The following TEP1 variants were observed in gnomAD, a reference collection of about 807,000 sequenced individuals.
TEP1 encodes the protein telomerase associated protein 1, also known as telomerase protein component 1.
TEP1 carries 241 observed loss-of-function variants against 306.3 expected under a neutral mutation model. That is an observed-to-expected ratio of 0.79 (90% CI 0.71 to 0.88). The LOEUF is 0.88. Ranked by LOEUF, TEP1 falls within the 40% of genes least tolerant of loss-of-function variation. The pLI, the probability that TEP1 is intolerant of heterozygous loss-of-function variation, is 0.00. For synonymous variants in TEP1, 1,289 were observed against 1,305.5 expected (o/e 0.99, Z 0.27); for missense variants, 3,051 against 3,276.1 (o/e 0.93, Z 1.68).
At position 20,383,260 on chromosome 14, in the gene TEP1, G is replaced by A. The variant is rs750642658; in HGVS notation, c.3961C>T (p.Leu1321=). 1.2e-6 allele frequency: 2 copies of A among 1,613,880 alleles called. No homozygotes were observed. Among genetic ancestry groups the A allele is most frequent in the Non-Finnish European group, 1.7e-6 (2 of 1,179,962 alleles). The change falls in exon 27 of 55, where the codon CTG becomes TTG. Residue 1321 remains leucine, a synonymous_variant. Transcript: ENST00000262715. ...AGCCGGGCCCGAGCAGAGGCCTCCA[G>A]AGGCCCCAAGGCCAGCACGTGGGCA... The part of the protein sequence containing the change: ...QGAHVLALGP[L]EASARARLVR...
In TEP1 at chr14:20,377,632, G is replaced by A. The variant is rs149326341; in HGVS notation, c.5843C>T (p.Ala1948Val). 1,731 of 1,614,098 alleles carry A rather than the reference G, an allele frequency of 1.1e-3. 15 individuals carry two copies. The African/African-American group carries it at 0.018, about 17-fold the overall frequency. ...GATTTTGTAGATCCTAATGCCATCC[G>A]CTCGATATCCAACAGCCACCCGATC... Reference protein sequence around the residue: ...DGDRVAVGYRADGIRIYKISS... With the variant: ...DGDRVAVGYRVDGIRIYKISS... The change falls in exon 40 of 55, where the codon GCG becomes GTG. Residue 1948 changes from alanine (A) to valine (V), a missense_variant. Coordinates refer to ENST00000262715, the MANE Select transcript of TEP1 (RefSeq NM_007110.5).
In TEP1 at chr14:20,387,962, G is replaced by A. The variant is rs1877345252; in HGVS notation, c.2627C>T (p.Ser876Phe). The change falls in exon 18 of 55, where the codon TCT (serine) becomes TTT (phenylalanine). Residue 876 changes from serine to phenylalanine, a missense_variant. Ser to Phe is a radical substitution (Grantham distance 155). Coordinates refer to ENST00000262715, the MANE Select transcript of TEP1 (RefSeq NM_007110.5). ...PPPPGKTGVQ[S>F]LRPLEEDTPS... is the part of the protein sequence containing the mutation. ...AGTGTCCTCTTCCAGTGGCCGGAGA[G>A]ACTGGACCCCTGTCTTTCCTGGGGG... 2.5e-6 allele frequency: 4 copies of A among 1,614,128 alleles called. No individual in the cohort carries two copies. Among genetic ancestry groups the A allele is most frequent in the African/African-American group, 1.3e-5 (1 of 75,052 alleles).
chr14:20,372,741 T>A lies in TEP1; in HGVS notation c.7068A>T (p.Gly2356=). ...CCATCAGCCTGTTTCACCTCAAATT[T>A]CCGGGTGCCGAACCCTTCCGCAGTT... ...QVKLRKGSAP[G]NLSLHLNRIL... Residue 2356 remains glycine, a synonymous_variant, in exon 49 of 55, where the codon GGA becomes GGT. Transcript: ENST00000262715. The A allele has an allele frequency of 1.9e-6, 3 of 1,614,112 alleles. No homozygotes were observed. Among genetic ancestry groups the A allele is most frequent in the Non-Finnish European group, 2.5e-6 (3 of 1,180,022 alleles).
At chr14:20,404,489 G>A in intron 5 of TEP1, 122 bp downstream of exon 5, 4 of 1,258,050 alleles carry the variant, frequency 3.2e-6, no homozygotes, top group Non-Finnish European at 3.2e-6. Context: ...GTCCTGTCTG[G>A]GCACCAATGC....
intron 9 of TEP1, among the ~76,000 whole-genome samples, chr14:20,400,180 C>T (rs750222612): frequency 4.0e-5 from 6 of 149,796 alleles, no homozygotes; most frequent in Non-Finnish European, 8.9e-5. Flanking sequence ...CTACATATAC[C>T]GGCTTCTATC....
chr14:20,377,145 G>A, intron 41 of TEP1, 135 bp downstream of exon 41: 2 of 682,074 alleles, frequency 2.9e-6, no homozygotes, highest in South Asian at 2.5e-5. Flanking sequence ...AACCCAGGAG[G>A]CAGAAGTTGC....
chr14:20,376,626 C>T (rs1218703499), intron 41 of TEP1, among the ~76,000 whole-genome samples: 2 of 152,156 alleles, frequency 1.3e-5, no homozygotes, highest in East Asian at 3.8e-4. Context: ...GTTCTCCCTC[C>T]TAGAGAGGGC....
chr14:20,410,670 G>A (rs75730889), intron 1 of TEP1, among the ~76,000 whole-genome samples: 1,544 of 149,378 alleles, frequency 0.01, 15 homozygotes, highest in Non-Finnish European at 0.016. Flanking sequence ...TCGAACTCCT[G>A]ACCTTGTGAT....
chr14:20,388,306 C>T (rs1205755389), intron 17 of TEP1, among the ~76,000 whole-genome samples: 2 of 152,178 alleles, frequency 1.3e-5, no homozygotes, highest in Non-Finnish European at 2.9e-5. Flanking sequence ...TAATCACAAA[C>T]TTGCTGTTGG....
chr14:20,376,380 C>A, intron 41 of TEP1, 116 bp from the exon 42 acceptor site: 1 of 1,071,130 alleles, frequency 9.3e-7, no homozygotes, highest in Non-Finnish European at 1.3e-6. Context: ...AGGCTCAGCT[C>A]CATGGGAGGG....
rs992343127 is a variant in TEP1 at position 20,380,571 on chromosome 14, C to T, written c.4763-96G>A. ...ATATGGTGTGTCTACAATAGTAAGT[C>T]TCAAAGTGTGGCCCTCTGGCCCTAT... On this transcript the variant is annotated intron_variant, in intron 33 of 54. Coordinates refer to ENST00000262715, the MANE Select transcript of TEP1 (RefSeq NM_007110.5). The T allele has an allele frequency of 1.7e-5, 22 of 1,310,408 alleles. No homozygotes were observed. The East Asian group carries it at 4.7e-4, about 28-fold the overall frequency. The allele number at this position is 1,310,408 out of a possible 1,614,324, so 81.2% of individuals were successfully genotyped here.
rs751968808 is a variant in TEP1, at chr14:20,386,511, G to C, written c.2797C>G (p.Arg933Gly). 1.2e-6 allele frequency: 2 copies of C among 1,612,956 alleles called. No homozygotes were observed. Among genetic ancestry groups the C allele is most frequent in the East Asian group, 2.2e-5 (1 of 44,828 alleles). The change falls in exon 19 of 55, where the codon CGT (arginine) becomes GGT (glycine). Residue 933 changes from arginine to glycine, a missense_variant. By Grantham distance (125) the Arg-to-Gly change is moderately radical. Coordinates refer to ENST00000262715, the MANE Select transcript of TEP1 (RefSeq NM_007110.5). Reference protein sequence around the residue: ...PALQARAAPHRISLHGIDLRW... With the variant: ...PALQARAAPHGISLHGIDLRW... ...AGGTCGATTCCGTGAAGGCTGATACGGTGAGGGGCCGCTCGGGCCTGCAGT... is the reference window on the plus strand; with the variant it reads ...AGGTCGATTCCGTGAAGGCTGATACCGTGAGGGGCCGCTCGGGCCTGCAGT...
At chr14:20,400,497 CAAAAAAAAAAAAAA>C (rs71108598) in intron 9 of TEP1, among the ~76,000 whole-genome samples, 2 of 85,470 alleles carry the variant, frequency 2.3e-5, no homozygotes, top group African/African-American at 3.5e-5. Context: ...AAAAGTAGAC[CAAAAAAAAAAAAAA>C]AAAAAAAAAA....
chr14:20,383,405 A>T (rs1876773495), intron 26 of TEP1, 52 bp from the exon 27 acceptor site: 1 of 1,604,964 alleles, frequency 6.2e-7, no homozygotes, highest in Non-Finnish European at 8.5e-7. Context: ...GGAGAACCAC[A>T]TTGGAGAGGC....
chr14:20,369,463 C>G lies in TEP1; in HGVS notation c.7537G>C (p.Glu2513Gln). The G allele has an allele frequency of 6.2e-7, 1 of 1,614,172 alleles. No homozygotes were observed. Among genetic ancestry groups the G allele is most frequent in the Non-Finnish European group, 8.5e-7 (1 of 1,180,020 alleles). ...NMWQKKANTP[E>Q]TQTPGTDPST... ...GGGTCTGTCCCTGGAGTTTGGGTTT[C>G]TGGAGTGTTTGCTTTTTTCTGCCAC... The change falls in exon 53 of 55, where the codon GAA becomes CAA. Residue 2513 changes from glutamate to glutamine, a missense_variant. Physicochemically the swap from Glu to Gln is conservative, Grantham distance 29 (BLOSUM62 2). This residue lies in a region of TEP1 where 1,540 missense variants were observed against 1,705.9 expected (regional missense o/e 0.90). Coordinates refer to ENST00000262715, the MANE Select transcript of TEP1 (RefSeq NM_007110.5).
rs186891058 is a variant in TEP1 at position 20,404,223 on chromosome 14, C to T, written c.1033-339G>A. ...TATAAAAATTAGCCAGGCGTGGTGG[C>T]GCACGCCTGTAATCCCAGCTACTTG... is the stretch of plus-strand genomic sequence containing the variant. On this transcript the variant is annotated intron_variant, in intron 5 of 54. Coordinates refer to ENST00000262715, the MANE Select transcript of TEP1 (RefSeq NM_007110.5). 1.2e-3 allele frequency among the ~76,000 whole-genome samples: 185 copies of T among 152,118 alleles called. 3 individuals carry two copies. In the East Asian group the frequency reaches 0.031, roughly 25 times the overall value.
At position 20,379,123 on chromosome 14, in the gene TEP1, G is replaced by A. The variant is rs1885379942; in HGVS notation, c.5128-18C>T. 1 of 1,613,126 alleles carries A rather than the reference G, an allele frequency of 6.2e-7. No individual in the cohort carries two copies. The highest frequency in any genetic ancestry group is 8.5e-7 in the Non-Finnish European group (1 of 1,179,510). On this transcript the variant is annotated intron_variant, in intron 35 of 54. Coordinates refer to ENST00000262715, the MANE Select transcript of TEP1 (RefSeq NM_007110.5). ...TTCTCCTCCTGCGACAGTGGGTGAGGGAGCGCAGCTCAGGCCATCCCCTTG... is the reference window on the plus strand; with the variant it reads ...TTCTCCTCCTGCGACAGTGGGTGAGAGAGCGCAGCTCAGGCCATCCCCTTG...
At position 20,368,424 on chromosome 14, in the gene TEP1, G is replaced by C; in HGVS notation, c.*13C>G. 6.2e-7 allele frequency: 1 copy of C among 1,613,314 alleles called. No individual in the cohort carries two copies. Among genetic ancestry groups the C allele is most frequent in the Non-Finnish European group, 8.5e-7 (1 of 1,179,372 alleles). ...TAGCACAAGGGGTATCATTATTCCC[G>C]AGTGGCACATCTTCATTCCCAATTC... On this transcript the variant is annotated 3_prime_UTR_variant, in exon 55 of 55. Coordinates refer to ENST00000262715, the MANE Select transcript of TEP1 (RefSeq NM_007110.5).
rs978126087 is a variant in TEP1, at chr14:20,373,777, T to A, written c.6505A>T (p.Thr2169Ser). ...EHVVSVSRDGTLKVWDHQGVE... is the reference protein window; with the variant it reads ...EHVVSVSRDGSLKVWDHQGVE... ...CCTTGATGGTCCCACACTTTCAAGG[T>A]CCCATCCCGGCTCACAGACACCACG... Residue 2169 changes from threonine (T) to serine (S), a missense_variant, in exon 45 of 55, where the codon ACC becomes TCC. Transcript: ENST00000262715. 6.2e-7 allele frequency: 1 copy of A among 1,613,548 alleles called. No homozygotes were observed. The highest frequency in any genetic ancestry group is 1.3e-5 in the African/African-American group (1 of 74,860).
Sources: allele counts gnomAD v4.1 joint callset (sites outside exome capture counted in the v4.1 genomes callset), GRCh38; gene constraint gnomAD v4.1.1; regional missense constraint gnomAD v4.1.1; transcripts MANE v1.5; gene names NCBI Gene and HGNC (gene_info 2026-07-23, HGNC 2026-07-21).